Variants in ARL10 observed in about 807,000 individuals in gnomAD.
ARL10 encodes the protein ADP-ribosylation factor-like protein 10.
In ARL10, 23 loss-of-function variants were observed where a neutral mutation model predicts 26.1. That is an observed-to-expected ratio of 0.88 (90% CI 0.63 to 1.25). The LOEUF (loss-of-function observed/expected upper bound fraction) is 1.25, where lower values mean the gene tolerates loss of function less well. ARL10 is among the 50% of genes most tolerant of loss of function. ARL10 has a pLI of 0.00. For synonymous variants in ARL10, 138 were observed against 149.1 expected (o/e 0.93, Z 0.54); for missense variants, 300 against 323.6 (o/e 0.93, Z 0.56).
At chr5:176,383,025 C>G (rs1755589235), downstream of ARL10, among the ~76,000 whole-genome samples, 2 of 152,128 alleles carry the variant, frequency 1.3e-5, no homozygotes, top group Non-Finnish European at 2.9e-5. Flanking sequence ...CTGGGACTCT[C>G]CCAGCCTGCC....
the ARL10 span, among the ~76,000 whole-genome samples, chr5:176,409,380 C>A: frequency 6.9e-6 from 1 of 144,966 alleles, no homozygotes; most frequent in Non-Finnish European, 1.5e-5. Context: ...CATCTTTTCA[C>A]GTCAATACAG....
intron 1 of ARL10, chr5:176,401,650 G>C: frequency 2.2e-6 from 1 of 444,926 alleles, no homozygotes; most frequent in Non-Finnish European, 4.5e-6. Flanking sequence ...GGCAGTGGGG[G>C]CTGCCTCCTG....
the ARL10 span, among the ~76,000 whole-genome samples, chr5:176,408,270 G>A: frequency 3.4e-5 from 5 of 149,240 alleles, 1 homozygote; most frequent in Admixed American, 6.7e-5. Flanking sequence ...ACGGTGGCTC[G>A]TGCCTGTAAT....
chr5:176,388,933 G>C (rs760939524), downstream of ARL10: 1 of 1,614,222 alleles, frequency 6.2e-7, no homozygotes, highest in Non-Finnish European at 8.5e-7. Context: ...TCAAGGAAAA[G>C]TTCGTTCGCA....
rs1297730290 is a variant in ARL10, at chr5:176,372,658, C to T, written c.*763C>T. 2.7e-6 allele frequency: 1 copy of T among 365,736 alleles called. No homozygotes were observed. Among genetic ancestry groups the T allele is most frequent in the African/African-American group, 2.1e-5 (1 of 48,024 alleles). 22.7% of individuals were successfully genotyped at this position (365,736 alleles called of 1,614,324 possible). The stretch of plus-strand genomic sequence containing the variant: ...AAAAAGTGAAGGCTGGGTTTTTCCC[C>T]TCTAATCTGGAGACAAGCTGCTGCT... On this transcript the variant is annotated 3_prime_UTR_variant, in exon 4 of 4. Transcript: ENST00000310389.
At chr5:176,398,087 C>T (rs766636253) in intron 1 of ARL10, 1 of 1,578,476 alleles carries the variant, frequency 6.3e-7, no homozygotes, top group Non-Finnish European at 8.7e-7. Flanking sequence ...AGCCAGCACA[C>T]CTGCCCCGCT....
chr5:176,375,312 CCATCCATCCATCCATCCATCCAT>C lies in ARL10; in HGVS notation c.*3424_*3446del, dbSNP rs1768669269. 1.9e-5 allele frequency: 1 copy of C among 51,778 alleles called. No individual in the cohort carries two copies. The highest frequency in any genetic ancestry group is 4.8e-5 in the Non-Finnish European group (1 of 20,800). 3.2% of individuals were successfully genotyped at this position (51,778 alleles called of 1,614,324 possible). ...CCCATCCATCCATCCATCCATCCATCCATCCATCCATCCATCCATCCATCATCCACCCATCCATCCATCCATCC... is the reference window on the plus strand; with the variant it reads ...CCCATCCATCCATCCATCCATCCATCCATCCACCCATCCATCCATCCATCC... On this transcript the variant is annotated 3_prime_UTR_variant, in exon 4 of 4. Coordinates refer to ENST00000310389, the MANE Select transcript of ARL10 (RefSeq NM_173664.6).
At chr5:176,392,725 C>T (rs757983353), downstream of ARL10, 2 of 1,600,344 alleles carry the variant, frequency 1.2e-6, no homozygotes, top group South Asian at 2.2e-5. The surrounding 1 kb of genome is among the most constrained non-coding windows in gnomAD (Gnocchi z 5.2). Context: ...GCTGCTCCTC[C>T]TGTGCCCAGG....
chr5:176,384,468 CCT>C, downstream of ARL10: 1 of 1,286,386 alleles, frequency 7.8e-7, no homozygotes, highest in Admixed American at 2.1e-5. Flanking sequence ...GCTATCTATC[CCT>C]GAGGTCCAGA....
At chr5:176,387,756 G>A (rs1755999735) in intron 1 of ARL10, among the ~76,000 whole-genome samples, 1 of 152,202 alleles carries the variant, frequency 6.6e-6, no homozygotes, top group Non-Finnish European at 1.5e-5. Context: ...ACAAAAATCA[G>A]CCGGGTATGG....
chr5:176,378,004 A>T lies in ARL10; in HGVS notation c.*6109A>T, dbSNP rs1053947577. The T allele has an allele frequency of 6.6e-6, 1 of 152,212 alleles. No homozygotes were observed. 9.4% of individuals were successfully genotyped at this position (152,212 alleles called of 1,614,324 possible). A position where few individuals can be genotyped will look rare whatever the true frequency, so the allele number is the denominator to read the frequency against. On this transcript the variant is annotated 3_prime_UTR_variant, in exon 4 of 4. Coordinates refer to ENST00000310389, the MANE Select transcript of ARL10 (RefSeq NM_173664.6). ...CTTGAACTCCTGGGCTCAAGCTGTC[A>T]GTCCAGCTCAGCTTCCCAAAGTGCT...
In ARL10 at chr5:176,365,628, C is replaced by T. The variant is rs1189968589; in HGVS notation, c.65C>T (p.Ser22Leu). 7 of 1,260,844 alleles carry T rather than the reference C, an allele frequency of 5.6e-6. No homozygotes were observed. The highest frequency in any genetic ancestry group is 7.0e-6 in the Non-Finnish European group (7 of 1,003,826). The allele number at this position is 1,260,844 out of a possible 1,614,324, so 78.1% of individuals were successfully genotyped here. A position where few individuals can be genotyped will look rare whatever the true frequency, so the allele number is the denominator to read the frequency against. ...GGCGGCGCCGCGGCGGTGCTGGGCT[C>T]GGTGCTCTTCATCCTCTGGAAGACC... ...ALGGAAAVLG[S>L]VLFILWKTYF... The change falls in exon 1 of 4, where the codon TCG becomes TTG. Residue 22 changes from serine to leucine, a missense_variant. Ser to Leu is a moderately radical substitution (Grantham distance 145). Coordinates refer to ENST00000310389, the MANE Select transcript of ARL10 (RefSeq NM_173664.6).
the ARL10 span, among the ~76,000 whole-genome samples, chr5:176,409,287 A>T: frequency 7.9e-6 from 1 of 126,370 alleles, no homozygotes; most frequent in Non-Finnish European, 1.6e-5. Context: ...ACATATTTTT[A>T]AAATTGAAAA....
rs779312966 is a variant in ARL10, at chr5:176,366,490, G to A, written c.294G>A (p.Ser98=). 4.3e-6 allele frequency: 7 copies of A among 1,613,904 alleles called. No homozygotes were observed. The highest frequency in any genetic ancestry group is 3.3e-5 in the South Asian group (3 of 91,084). ...AGAGCACGTTCCTGCGCGTGTTGTC[G>A]GGGAAGCCACCGCTGGAAGGCCACA... ...AGKSTFLRVL[S]GKPPLEGHIP... is the part of the protein sequence containing the mutation. The change falls in exon 2 of 4, where the codon TCG becomes TCA. Residue 98 remains serine, a synonymous_variant. Coordinates refer to ENST00000310389, the MANE Select transcript of ARL10 (RefSeq NM_173664.6).
At chr5:176,396,620 G>C in intron 1 of ARL10, 2 of 926,532 alleles carry the variant, frequency 2.2e-6, no homozygotes, top group Non-Finnish European at 3.5e-6. Flanking sequence ...GAGAGAGAGA[G>C]AGACAGCATT....
At chr5:176,407,317 C>CT in the ARL10 span, among the ~76,000 whole-genome samples, 9 of 152,248 alleles carry the variant, frequency 5.9e-5, no homozygotes, top group African/African-American at 2.2e-4. Context: ...TAGGTACTTT[C>CT]TTTTTTGAGA....
chr5:176,390,698 C>T (rs1009057964), downstream of ARL10, among the ~76,000 whole-genome samples: 22 of 152,160 alleles, frequency 1.4e-4, no homozygotes, highest in South Asian at 4.1e-4. Flanking sequence ...CCCCCAACCT[C>T]GGCCTCCCAA....
chr5:176,385,084 G>A, downstream of ARL10: 1 of 690,868 alleles, frequency 1.4e-6, no homozygotes, highest in South Asian at 1.5e-5. Context: ...CCCTGTCAAT[G>A]GGATCCATTT....
At position 176,366,551 on chromosome 5, in the gene ARL10, A is replaced by C; in HGVS notation, c.355A>C (p.Thr119Pro). Reference sequence around the variant, plus strand: ...GGGCTTCAACTCCGTGCGTCTGCCCACCAAGGACTTTGAGGTGGACCTGCT... The same window carrying C: ...GGGCTTCAACTCCGTGCGTCTGCCCCCCAAGGACTTTGAGGTGGACCTGCT... ...TWGFNSVRLPTKDFEVDLLEI... is the reference protein window; with the variant it reads ...TWGFNSVRLPPKDFEVDLLEI... Residue 119 changes from threonine to proline, a missense_variant, in exon 2 of 4, where the codon ACC becomes CCC. Physicochemically the swap from Thr to Pro is conservative, Grantham distance 38 (BLOSUM62 -1). Transcript: ENST00000310389. 1 of 1,614,108 alleles carries C rather than the reference A, an allele frequency of 6.2e-7. No individual in the cohort carries two copies. The highest frequency in any genetic ancestry group is 1.1e-5 in the South Asian group (1 of 91,090).
Sources: allele counts gnomAD v4.1 joint callset (sites outside exome capture counted in the v4.1 genomes callset), GRCh38; gene constraint gnomAD v4.1.1; non-coding constraint Gnocchi (gnomAD v3.1); transcripts MANE v1.5; gene names NCBI Gene and HGNC (gene_info 2026-07-23, HGNC 2026-07-21).